Variants in RABL6 observed in about 807,000 individuals in gnomAD.
The protein encoded by RABL6 is rab-like protein 6.
In RABL6, 28 loss-of-function variants were observed where a neutral mutation model predicts 72.9. That is an observed-to-expected ratio of 0.38 (90% CI 0.28 to 0.53). The LOEUF (loss-of-function observed/expected upper bound fraction) is 0.53, where lower values mean the gene tolerates loss of function less well. Ranked by LOEUF, RABL6 falls within the 20% of genes least tolerant of loss-of-function variation. RABL6 has a pLI of 0.80. For missense variants in RABL6, 1,029 were observed against 1,008.4 expected (o/e 1.02, Z -0.28); for synonymous variants, 477 against 421.2 (o/e 1.13, Z -1.62).
At chr9:136,822,428 C>T (rs902560011) in intron 1 of RABL6, among the ~76,000 whole-genome samples, 1 of 152,184 alleles carries the variant, frequency 6.6e-6, no homozygotes, top group Non-Finnish European at 1.5e-5. Flanking sequence ...TCACCAAGGC[C>T]TGTGTGAGAA....
Position 136,817,542 on chromosome 9 carries a change from G to A in RABL6, c.131-5983G>A, listed in dbSNP as rs566604635. 5.4e-5 allele frequency among the ~76,000 whole-genome samples: 8 copies of A among 147,558 alleles called. No individual in the cohort carries two copies. In the South Asian group the frequency reaches 6.6e-4, roughly 12 times the overall value. On this transcript the variant is annotated intron_variant, in intron 1 of 14. Transcript: ENST00000311502. ...GGCCGACGTGGGCTGTGGGGAGGCC[G>A]ACGTGGGCTGAGGGGAGGCCGACGT...
intron 1 of RABL6, among the ~76,000 whole-genome samples, chr9:136,820,481 C>T (rs543928061): frequency 6.6e-6 from 1 of 152,240 alleles, no homozygotes; most frequent in East Asian, 1.9e-4. Context: ...AAGCAATTCT[C>T]CTGCCTCAGC....
In RABL6 at chr9:136,810,152, T is replaced by G. The variant is rs1847977139; in HGVS notation, c.130+1826T>G. The stretch of plus-strand genomic sequence containing the variant: ...TCTGCGTTTGGATCCTTTATTTAAT[T>G]TTATTGCTTACAGTATTGGCTAAGC... On this transcript the variant is annotated intron_variant, in intron 1 of 14. Coordinates refer to ENST00000311502, the MANE Select transcript of RABL6 (RefSeq NM_024718.5). 2 of 152,348 alleles carry G rather than the reference T, an allele frequency of 1.3e-5. 1 individual carries two copies. The highest frequency in any genetic ancestry group is 4.1e-4 in the South Asian group (2 of 4,828). The allele number at this position is 152,348 out of a possible 1,614,324, so 9.4% of individuals were successfully genotyped here.
chr9:136,816,735 G>GGT (rs1554768431), intron 1 of RABL6, among the ~76,000 whole-genome samples: 2 of 132,578 alleles, frequency 1.5e-5, no homozygotes, highest in African/African-American at 5.5e-5. Flanking sequence ...GGGGGGGGGG[G>GGT]TAATTTTTTA....
chr9:136,840,495 T>TG lies in RABL6; in HGVS notation c.2168dup (p.Gly724TrpfsTer156). The TG allele has an allele frequency of 7.5e-7, 1 of 1,328,890 alleles. No homozygotes were observed. Among genetic ancestry groups the TG allele is most frequent in the Non-Finnish European group, 1.0e-6 (1 of 994,162 alleles). The allele number at this position is 1,328,890 out of a possible 1,614,324, so 82.3% of individuals were successfully genotyped here. On this transcript the variant is annotated frameshift_variant, in exon 15 of 15. Transcript: ENST00000311502. LOFTEE classifies it high-confidence loss of function. ...GCGGGGCCCCGGGCGGCCGCCACCC[T>TG]GGGGGTGGCGACTACGAGGAGCTCT... is the stretch of plus-strand genomic sequence containing the variant.
chr9:136,832,228 G>A (rs761150249), intron 6 of RABL6, 37 bp from the exon 7 acceptor site: 2 of 1,577,994 alleles, frequency 1.3e-6, no homozygotes, highest in East Asian at 2.2e-5. Context: ...CAGGGCAAGG[G>A]TCTTTCTCTT....
chr9:136,812,188 C>T (rs1356590649), intron 1 of RABL6, among the ~76,000 whole-genome samples: 1 of 152,160 alleles, frequency 6.6e-6, no homozygotes, highest in African/African-American at 2.4e-5. Context: ...CATTATTGTG[C>T]AGCTCTGATA....
intron 1 of RABL6, among the ~76,000 whole-genome samples, chr9:136,819,737 C>G (rs1398830845): frequency 3.3e-5 from 5 of 152,152 alleles, no homozygotes; most frequent in Non-Finnish European, 1.5e-5. Context: ...GAGAAAGTCT[C>G]TGGACCTGAA....
At chr9:136,828,390 A>C (rs1848401886) in intron 3 of RABL6, 104 bp from the exon 4 acceptor site, 1 of 1,167,922 alleles carries the variant, frequency 8.6e-7, no homozygotes, top group Non-Finnish European at 1.3e-6. Flanking sequence ...GGAGTAGAGC[A>C]CCCGCTGGAG....
intron 12 of RABL6, 50 bp downstream of exon 12, chr9:136,839,536 T>C: frequency 6.3e-7 from 1 of 1,577,194 alleles, no homozygotes; most frequent in Non-Finnish European, 8.6e-7. Flanking sequence ...CCAGGGTCCC[T>C]CCCACAGGCC....
intron 5 of RABL6, among the ~76,000 whole-genome samples, chr9:136,830,796 T>C (rs906875791): frequency 6.6e-6 from 1 of 152,230 alleles, no homozygotes; most frequent in Non-Finnish European, 1.5e-5. Context: ...CGCTTACCTG[T>C]GGGCCCGGAG....
intron 8 of RABL6, 66 bp from the exon 9 acceptor site, chr9:136,837,280 C>A (rs755337230): frequency 2.0e-6 from 3 of 1,500,914 alleles, no homozygotes; most frequent in Non-Finnish European, 2.7e-6. Flanking sequence ...AGAGAGCCCC[C>A]TGTCACCTGA....
At chr9:136,809,500 G>T in intron 1 of RABL6, 1 of 257,300 alleles carries the variant, frequency 3.9e-6, no homozygotes, top group South Asian at 3.9e-5. Context: ...GTCCGGGCCG[G>T]GCACGGTGGC....
rs1158979980 is a variant in RABL6 at position 136,823,610 on chromosome 9, C to T, written c.216C>T (p.Tyr72=). The T allele has an allele frequency of 1.2e-6, 2 of 1,613,658 alleles. No individual in the cohort carries two copies. Among genetic ancestry groups the T allele is most frequent in the Non-Finnish European group, 1.7e-6 (2 of 1,179,752 alleles). The change falls in exon 2 of 15, where the codon TAC becomes TAT. Residue 72 remains tyrosine (Y), a synonymous_variant. Transcript: ENST00000311502. ...AGGGCCGGCCGTTCGTGGAGGAGTA[C>T]ATCCCCACACAGGAGATCCAGGTCA... ...RLQGRPFVEE[Y]IPTQEIQVTS...
At chr9:136,828,241 G>A (rs1023161025) in intron 3 of RABL6, 3 of 498,354 alleles carry the variant, frequency 6.0e-6, no homozygotes, top group Non-Finnish European at 3.6e-6. Context: ...TCCAGGAGCT[G>A]CTGAGCCTGT....
chr9:136,819,709 A>G (rs1295771792), intron 1 of RABL6, among the ~76,000 whole-genome samples: 1 of 152,174 alleles, frequency 6.6e-6, no homozygotes, highest in African/African-American at 2.4e-5. Context: ...AGAAATGTGA[A>G]GGGTTACCGC....
rs1338295619 is a variant in RABL6 at position 136,818,373 on chromosome 9, A to C, written c.131-5152A>C. On this transcript the variant is annotated intron_variant, in intron 1 of 14. Transcript: ENST00000311502. ...ACCAGACTCTGTCTCAAAAAAAAAA[A>C]AAAAAAAAAAAAAAAAAAAAAAAAA... Among the ~76,000 whole-genome samples, 21 of 19,512 alleles carry C rather than the reference A, an allele frequency of 1.1e-3. 2 individuals are homozygous for C. Among genetic ancestry groups the C allele is most frequent in the East Asian group, 8.2e-3 (4 of 488 alleles). The allele number at this position is 19,512 out of a possible 152,430, so 12.8% of individuals were successfully genotyped here. A position where few individuals can be genotyped will look rare whatever the true frequency, so the allele number is the denominator to read the frequency against.
chr9:136,841,117 G>A lies in RABL6; in HGVS notation c.*595G>A, dbSNP rs149383529. The A allele has an allele frequency of 0.012, 15,466 of 1,272,096 alleles. 114 individuals carry two copies. Among genetic ancestry groups the A allele is most frequent in the Non-Finnish European group, 0.014 (14,065 of 975,828 alleles). The allele number at this position is 1,272,096 out of a possible 1,614,324, so 78.8% of individuals were successfully genotyped here. A position where few individuals can be genotyped will look rare whatever the true frequency, so the allele number is the denominator to read the frequency against. ...GCTGCGCCCCCGCTCAGGTGAGCCC[G>A]AAGGCAGGAGCCGGGAGGCACTCCT... On this transcript the variant is annotated 3_prime_UTR_variant, in exon 15 of 15. Coordinates refer to ENST00000311502, the MANE Select transcript of RABL6 (RefSeq NM_024718.5).
At chr9:136,835,654 G>A (rs1006137608) in intron 7 of RABL6, 88 bp from the exon 8 acceptor site, 14 of 1,190,304 alleles carry the variant, frequency 1.2e-5, no homozygotes, top group Non-Finnish European at 1.6e-5. Context: ...GCAGCAGGAG[G>A]CGTCCCCTGT....
Sources: allele counts gnomAD v4.1 joint callset (sites outside exome capture counted in the v4.1 genomes callset), GRCh38; gene constraint gnomAD v4.1.1; transcripts MANE v1.5; gene names NCBI Gene and HGNC (gene_info 2026-07-23, HGNC 2026-07-21).